C1orf167: variants seen among roughly 807,000 people sequenced by gnomAD.
The protein encoded by C1orf167 is uncharacterized protein C1orf167.
C1orf167 carries 153 observed loss-of-function variants against 176.5 expected under a neutral mutation model. The observed-to-expected ratio is 0.87, with a 90% confidence interval of 0.76 to 0.99. C1orf167 has a LOEUF of 0.99. C1orf167 is among the 50% of genes least tolerant of loss of function. C1orf167 has a pLI of 0.00. For synonymous variants in C1orf167, 594 were observed against 752.7 expected (o/e 0.79, Z 3.45); for missense variants, 1,490 against 1,817.7 (o/e 0.82, Z 3.28).
At chr1:11,767,867 C>T (rs1171521605) in intron 4 of C1orf167, among the ~76,000 whole-genome samples, 1 of 152,124 alleles carries the variant, frequency 6.6e-6, no homozygotes, top group Non-Finnish European at 1.5e-5. Context: ...GGCATTCTCC[C>T]ACCCCCAGGG....
Position 11,766,410 on chromosome 1 carries a change from G to A in C1orf167, c.624G>A (p.Arg208=), listed in dbSNP as rs1483401335. 1 of 1,278,068 alleles carries A rather than the reference G, an allele frequency of 7.8e-7. No homozygotes were observed. The highest frequency in any genetic ancestry group is 1.3e-5 in the South Asian group (1 of 79,484). The allele number at this position is 1,278,068 out of a possible 1,614,324, so 79.2% of individuals were successfully genotyped here. Residue 208 remains arginine (R), a synonymous_variant, in exon 3 of 21, where the codon AGG becomes AGA. Transcript: ENST00000688073. The surrounding 1 kb of genome is among the most constrained non-coding windows in gnomAD (Gnocchi z 4.5). ...LRSWGGLGSW[R]SRLVGEPLTL... ...CCTGGGGTGGTCTGGGGAGCTGGAGGTCCAGGCTGGTGGGGGAACCTCTCA... is the reference window on the plus strand; with the variant it reads ...CCTGGGGTGGTCTGGGGAGCTGGAGATCCAGGCTGGTGGGGGAACCTCTCA...
In C1orf167 at chr1:11,771,636, G is replaced by A. The variant is rs760225838; in HGVS notation, c.1810G>A (p.Val604Met). ...VQILQALQLA[V>M]FFLWCQQKKR... Reference sequence around the variant, plus strand: ...GATCCTGCAGGCCCTGCAACTGGCTGGTGAGACGTGGGGTGCTGGGAAAGC... The same window carrying A: ...GATCCTGCAGGCCCTGCAACTGGCTAGTGAGACGTGGGGTGCTGGGAAAGC... Residue 604 changes from valine to methionine, a missense_variant and splice_region_variant, in exon 7 of 21, where the codon GTG (valine) becomes ATG (methionine). Physicochemically the swap from Val to Met is conservative, Grantham distance 21. Coordinates refer to ENST00000688073, the MANE Select transcript of C1orf167 (RefSeq NM_001010881.2). 7.2e-5 allele frequency: 93 copies of A among 1,289,308 alleles called. No homozygotes were observed. Among genetic ancestry groups the A allele is most frequent in the Non-Finnish European group, 9.3e-5 (92 of 988,532 alleles). The allele number at this position is 1,289,308 out of a possible 1,614,324, so 79.9% of individuals were successfully genotyped here.
At chr1:11,772,874 G>A (rs1457217830) in intron 8 of C1orf167, among the ~76,000 whole-genome samples, 1 of 80,458 alleles carries the variant, frequency 1.2e-5, no homozygotes, top group African/African-American at 3.8e-5. Context: ...CTCCCTGGTG[G>A]TTAACTTTTT....
At position 11,768,111 on chromosome 1, in the gene C1orf167, A is replaced by G. The variant is rs1431282770; in HGVS notation, c.1378A>G (p.Arg460Gly). 8 of 1,289,208 alleles carry G rather than the reference A, an allele frequency of 6.2e-6. No homozygotes were observed. The East Asian group carries it at 4.4e-4, about 71-fold the overall frequency. 79.9% of individuals were successfully genotyped at this position (1,289,208 alleles called of 1,614,324 possible). A position where few individuals can be genotyped will look rare whatever the true frequency, so the allele number is the denominator to read the frequency against. ...QLLSRCFRSWRHLVKRQREPA... is the reference protein window; with the variant it reads ...QLLSRCFRSWGHLVKRQREPA... ...GTTGTCCAGATGTTTTCGATCCTGG[A>G]GGCACTTGGTGAAGAGGCAGCGGGA... The change falls in exon 5 of 21, where the codon AGG (arginine) becomes GGG (glycine). Residue 460 changes from arginine to glycine, a missense_variant. By Grantham distance (125) the Arg-to-Gly change is moderately radical. Coordinates refer to ENST00000688073, the MANE Select transcript of C1orf167 (RefSeq NM_001010881.2). This position sits in a 1 kb window ranked among gnomAD's most constrained non-coding sequence, Gnocchi z 4.5.
In C1orf167 at chr1:11,779,109, C is replaced by T. The variant is rs1221377805; in HGVS notation, c.2651+29C>T. 7.4e-6 allele frequency: 9 copies of T among 1,218,926 alleles called. No individual in the cohort carries two copies. The East Asian group carries it at 4.0e-4, about 55-fold the overall frequency. 75.5% of individuals were successfully genotyped at this position (1,218,926 alleles called of 1,614,324 possible). A position where few individuals can be genotyped will look rare whatever the true frequency, so the allele number is the denominator to read the frequency against. ...GGGATCCCTCCCCATCCGCCCGCCACTCTATGGACTTACTGTTTCCCGGCC... is the reference window on the plus strand; with the variant it reads ...GGGATCCCTCCCCATCCGCCCGCCATTCTATGGACTTACTGTTTCCCGGCC... On this transcript the variant is annotated intron_variant, in intron 12 of 20. Coordinates refer to ENST00000688073, the MANE Select transcript of C1orf167 (RefSeq NM_001010881.2).
intron 19 of C1orf167, 66 bp from the exon 20 acceptor site, chr1:11,788,586 C>G: frequency 3.2e-6 from 4 of 1,247,228 alleles, no homozygotes; most frequent in Non-Finnish European, 4.3e-6. Flanking sequence ...GGGAGAAAGG[C>G]AGAAGGGCTG....
rs1643235371 is a variant in C1orf167 at position 11,774,863 on chromosome 1, C to T, written c.1989-572C>T. 2.0e-5 allele frequency among the ~76,000 whole-genome samples: 3 copies of T among 152,102 alleles called. No homozygotes were observed. The South Asian group carries it at 6.2e-4, about 31-fold the overall frequency. On this transcript the variant is annotated intron_variant, in intron 8 of 20. Transcript: ENST00000688073. ...TGAATAGGAAATGACTGGAGGAGGC[C>T]GAAAGTGGATGCAGGGAGGCCAGGT...
intron 7 of C1orf167, 90 bp downstream of exon 7, chr1:11,771,726 G>A (rs1289714280): frequency 6.6e-5 from 53 of 803,952 alleles, no homozygotes; most frequent in South Asian, 3.6e-4. Flanking sequence ...GGGACCCTGG[G>A]CGAATGAATG....
intron 2 of C1orf167, among the ~76,000 whole-genome samples, chr1:11,764,709 C>T (rs896696134): frequency 6.6e-6 from 1 of 152,140 alleles, no homozygotes; most frequent in Non-Finnish European, 1.5e-5. Context: ...AAGATGGGGC[C>T]CCCACAGCTC....
chr1:11,770,122 TA>T (rs1010209854), intron 6 of C1orf167, among the ~76,000 whole-genome samples: 4 of 135,736 alleles, frequency 2.9e-5, no homozygotes, highest in South Asian at 5.2e-4. Context: ...TAGCATTTTT[TA>T]AAAAAAAGGG....
chr1:11,779,968 C>G lies in C1orf167; in HGVS notation c.2818C>G (p.Leu940Val), dbSNP rs2100366370. 1.5e-6 allele frequency: 2 copies of G among 1,297,156 alleles called. No individual in the cohort carries two copies. Among genetic ancestry groups the G allele is most frequent in the South Asian group, 1.2e-5 (1 of 80,604 alleles). The allele number at this position is 1,297,156 out of a possible 1,614,324, so 80.4% of individuals were successfully genotyped here. Residue 940 changes from leucine (L) to valine (V), a missense_variant, in exon 13 of 21, where the codon CTG becomes GTG. Leu to Val is a conservative substitution (Grantham distance 32). Transcript: ENST00000688073. ...GTGGGCCCAGGAGCGGGGCTGGCGGCTGGCACGAGATGCCCTATGCCACTG... is the reference window on the plus strand; with the variant it reads ...GTGGGCCCAGGAGCGGGGCTGGCGGGTGGCACGAGATGCCCTATGCCACTG... ...EWWAQERGWR[L>V]ARDALCHWHS...
chr1:11,767,369 G>T (rs1313962465), intron 4 of C1orf167, 105 bp downstream of exon 4: 1 of 1,027,862 alleles, frequency 9.7e-7, no homozygotes, highest in Admixed American at 2.4e-5. Context: ...CTGATGGAGA[G>T]GAGGCAGGGT....
At chr1:11,772,916 T>TTATTATTATTATTATTA (rs1557729349) in intron 8 of C1orf167, among the ~76,000 whole-genome samples, 4 of 22,470 alleles carry the variant, frequency 1.8e-4, no homozygotes, top group African/African-American at 3.7e-4. Flanking sequence ...TATTATTATT[T>TTATTATTATTATTATTA]GAGACGGAGT....
At chr1:11,773,539 C>A (rs1557729871) in intron 8 of C1orf167, among the ~76,000 whole-genome samples, 1 of 151,952 alleles carries the variant, frequency 6.6e-6, no homozygotes, top group African/African-American at 2.4e-5. Flanking sequence ...GAAACCCCAT[C>A]TCTACTAAAA....
intron 6 of C1orf167, among the ~76,000 whole-genome samples, chr1:11,769,687 T>TC (rs925750808): frequency 2.6e-5 from 4 of 151,282 alleles, no homozygotes; most frequent in Non-Finnish European, 5.9e-5. Context: ...TTTTTTTTTT[T>TC]TTGAGATGGA....
chr1:11,762,820 C>A (rs1019026598), intron 1 of C1orf167, among the ~76,000 whole-genome samples: 2 of 151,978 alleles, frequency 1.3e-5, no homozygotes, highest in Admixed American at 6.6e-5. Context: ...AACAAACAAA[C>A]AAAAAAAACC....
chr1:11,779,304 C>T (rs1643482262), intron 12 of C1orf167: 1 of 276,264 alleles, frequency 3.6e-6, no homozygotes, highest in African/African-American at 2.3e-5. Context: ...AGCTGAGGTT[C>T]CTTCATTTAT....
chr1:11,788,588 G>C, intron 19 of C1orf167, 64 bp from the exon 20 acceptor site: 1 of 1,255,180 alleles, frequency 8.0e-7, no homozygotes. Context: ...GAGAAAGGCA[G>C]AAGGGCTGGG....
chr1:11,774,203 C>A (rs947618424), intron 8 of C1orf167, among the ~76,000 whole-genome samples: 1 of 151,894 alleles, frequency 6.6e-6, no homozygotes. Flanking sequence ...CCATGCCTGG[C>A]GAATTTTAAA....
Sources: gnomAD v4.1 joint callset for allele counts (sites outside exome capture counted in the v4.1 genomes callset) on GRCh38, gnomAD v4.1.1 for gene constraint, Gnocchi (gnomAD v3.1) non-coding constraint, MANE v1.5 for transcripts, NCBI Gene and HGNC (gene_info 2026-07-23, HGNC 2026-07-21) for gene names.